Variants in SIPA1L1 observed in about 807,000 individuals in gnomAD.
The protein encoded by SIPA1L1 is signal-induced proliferation-associated 1-like protein 1.
SIPA1L1 carries 26 observed loss-of-function variants against 162.7 expected under a neutral mutation model. The observed-to-expected ratio is 0.16, with a 90% CI of 0.12 to 0.22. The LOEUF (loss-of-function observed/expected upper bound fraction) is 0.22, where lower values mean the gene tolerates loss of function less well. Among genes scored for constraint, SIPA1L1 ranks in the 10% least tolerant of loss-of-function variants. SIPA1L1 has a pLI of 1.00. For synonymous variants in SIPA1L1, 829 were observed against 837.4 expected (o/e 0.99, Z 0.17); for missense variants, 1,874 against 2,241.0 (o/e 0.84, Z 3.31).
intron 2 of SIPA1L1, among the ~76,000 whole-genome samples, chr14:71,340,041 C>T (rs1239214817): frequency 6.6e-6 from 1 of 152,186 alleles, no homozygotes; most frequent in African/African-American, 2.4e-5. Context: ...TTGGGAATGC[C>T]AGAAAGCCTG....
intron 13 of SIPA1L1, among the ~76,000 whole-genome samples, chr14:71,690,073 G>C (rs924326943): frequency 2.6e-5 from 4 of 152,072 alleles, no homozygotes; most frequent in African/African-American, 9.7e-5. Context: ...CTCTTCTTTT[G>C]TTTAGAATAT....
intron 7 of SIPA1L1, among the ~76,000 whole-genome samples, chr14:71,648,972 G>A (rs1163262532): frequency 6.6e-6 from 1 of 152,134 alleles, no homozygotes; most frequent in Non-Finnish European, 1.5e-5. Flanking sequence ...TTGCCTTGTG[G>A]GCTATTGTGA....
intron 4 of SIPA1L1, among the ~76,000 whole-genome samples, chr14:71,544,969 C>G (rs999857412): frequency 1.3e-5 from 2 of 152,082 alleles, no homozygotes; most frequent in Admixed American, 1.3e-4. Context: ...ATTGAGTGAT[C>G]TATCTGCCTC....
chr14:71,406,017 TC>T (rs1474635264), intron 2 of SIPA1L1, among the ~76,000 whole-genome samples: 1 of 152,168 alleles, frequency 6.6e-6, no homozygotes. Context: ...TAATGAGGAA[TC>T]TGGGGTAGCG....
At chr14:71,705,458 A>G (rs1351623439) in intron 16 of SIPA1L1, 118 bp downstream of exon 16, 1 of 807,274 alleles carries the variant, frequency 1.2e-6, no homozygotes, top group South Asian at 1.6e-5. Context: ...TCTGGCAAAG[A>G]GTGGTCGTTT....
chr14:71,738,186 ACAAAC>A, intron 22 of SIPA1L1, 50 bp from the exon 23 acceptor site: 7 of 572,446 alleles, frequency 1.2e-5, no homozygotes, highest in African/African-American at 2.4e-5. Flanking sequence ...AAAAAAAAAA[ACAAAC>A]CCAGCCATGG....
At chr14:71,324,955 G>A (rs1212243780) in intron 2 of SIPA1L1, among the ~76,000 whole-genome samples, 1 of 152,088 alleles carries the variant, frequency 6.6e-6, no homozygotes, top group Non-Finnish European at 1.5e-5. Flanking sequence ...TTTATGTTGC[G>A]CCACCCTACC....
chr14:71,676,730 G>GT (rs921344093), intron 12 of SIPA1L1, among the ~76,000 whole-genome samples: 3 of 149,148 alleles, frequency 2.0e-5, no homozygotes, highest in African/African-American at 7.4e-5. Context: ...GTGGTGTTTG[G>GT]TTTTTTTGTC....
At chr14:71,469,176 C>G (rs1024873394) in intron 2 of SIPA1L1, among the ~76,000 whole-genome samples, 2 of 151,216 alleles carry the variant, frequency 1.3e-5, no homozygotes, top group African/African-American at 4.8e-5. Flanking sequence ...TCTCTGAGAC[C>G]TTACCCATCC....
chr14:71,663,730 C>T (rs144230057), intron 10 of SIPA1L1, among the ~76,000 whole-genome samples: 16 of 152,206 alleles, frequency 1.1e-4, no homozygotes, highest in African/African-American at 3.9e-4. Flanking sequence ...GAGAGCCCAC[C>T]GTTTGAACCC....
At chr14:71,328,164 T>C (rs1235299099) in intron 2 of SIPA1L1, among the ~76,000 whole-genome samples, 2 of 152,222 alleles carry the variant, frequency 1.3e-5, no homozygotes, top group African/African-American at 4.8e-5. Flanking sequence ...GTAAATTGCA[T>C]AACAAAATAA....
intron 2 of SIPA1L1, among the ~76,000 whole-genome samples, chr14:71,407,440 C>A (rs2042101241): frequency 6.7e-6 from 1 of 149,662 alleles, no homozygotes; most frequent in Admixed American, 6.7e-5. Flanking sequence ...CCTTCCTTCC[C>A]CTCCCTTTCT....
At chr14:71,330,677 G>C in intron 2 of SIPA1L1, 1 of 877,596 alleles carries the variant, frequency 1.1e-6, no homozygotes, top group South Asian at 1.3e-5. Context: ...ACCCTCTCAT[G>C]AGGAGGAATC....
At chr14:71,689,639 T>G (rs960789658) in intron 13 of SIPA1L1, among the ~76,000 whole-genome samples, 5 of 152,138 alleles carry the variant, frequency 3.3e-5, no homozygotes, top group African/African-American at 1.2e-4. Flanking sequence ...TGTAAAATGA[T>G]TTTCTTTTCT....
At chr14:71,482,953 C>G (rs1043492332) in intron 2 of SIPA1L1, among the ~76,000 whole-genome samples, 7 of 152,194 alleles carry the variant, frequency 4.6e-5, no homozygotes, top group Non-Finnish European at 8.8e-5. Context: ...GCAGCCAACT[C>G]ATAGTCAGCC....
intron 2 of SIPA1L1, among the ~76,000 whole-genome samples, chr14:71,463,162 G>T (rs1331481627): frequency 6.6e-6 from 1 of 152,118 alleles, no homozygotes; most frequent in Non-Finnish European, 1.5e-5. Flanking sequence ...GTCTCTTTAG[G>T]CATGCGGTAT....
chr14:71,390,970 A>C (rs1207885278), intron 2 of SIPA1L1, among the ~76,000 whole-genome samples: 1 of 152,104 alleles, frequency 6.6e-6, no homozygotes, highest in Admixed American at 6.5e-5. Flanking sequence ...ATATGTATCT[A>C]ATTCTTCATC....
At chr14:71,593,890 G>A (rs2035717050) in intron 5 of SIPA1L1, among the ~76,000 whole-genome samples, 1 of 152,194 alleles carries the variant, frequency 6.6e-6, no homozygotes, top group Non-Finnish European at 1.5e-5. Context: ...CTGTGATAGG[G>A]AAGGGCCTCC....
chr14:71,427,464 T>G (rs1233685465), intron 2 of SIPA1L1, among the ~76,000 whole-genome samples: 1 of 152,240 alleles, frequency 6.6e-6, no homozygotes, highest in East Asian at 1.9e-4. Context: ...CAAGATTCTA[T>G]CTTTGTCTTT....
Sources: gnomAD v4.1 joint callset for allele counts (sites outside exome capture counted in the v4.1 genomes callset) on GRCh38, gnomAD v4.1.1 for gene constraint, MANE v1.5 for transcripts, NCBI Gene and HGNC (gene_info 2026-07-23, HGNC 2026-07-21) for gene names.